ZNF689: variants seen among roughly 807,000 people sequenced by gnomAD.
ZNF689 encodes the protein short ORF-encoded histone-binding protein.
In ZNF689, 14 loss-of-function variants were observed where a neutral mutation model predicts 37.2. The observed-to-expected ratio is 0.38, with a 90% CI of 0.25 to 0.59. The LOEUF is 0.59. ZNF689 is among the 20% of genes least tolerant of loss of function. The pLI is 0.68. For missense variants in ZNF689, 573 were observed against 700.2 expected (o/e 0.82, Z 2.05); for synonymous variants, 277 against 283.3 (o/e 0.98, Z 0.22).
rs958481168 is a variant in ZNF689 at position 30,603,888 on chromosome 16, A to G, written c.*376T>C. The G allele has an allele frequency of 1.4e-5, 5 of 365,580 alleles. No homozygotes were observed. Among genetic ancestry groups the G allele is most frequent in the Non-Finnish European group, 2.7e-5 (5 of 187,930 alleles). 22.6% of individuals were successfully genotyped at this position (365,580 alleles called of 1,614,324 possible). A position where few individuals can be genotyped will look rare whatever the true frequency, so the allele number is the denominator to read the frequency against. The stretch of plus-strand genomic sequence containing the variant: ...TCCAACCTAGTATGGAGGAAGAGGC[A>G]GAGTAGGGGAAGGTCCTGCCCCTAT... On this transcript the variant is annotated 3_prime_UTR_variant, in exon 3 of 3. Coordinates refer to ENST00000287461, the MANE Select transcript of ZNF689 (RefSeq NM_138447.3).
At position 30,610,115 on chromosome 16, in the gene ZNF689, C is replaced by T; in HGVS notation, c.-74G>A. On this transcript the variant is annotated 5_prime_UTR_variant, in exon 1 of 3. Coordinates refer to ENST00000287461, the MANE Select transcript of ZNF689 (RefSeq NM_138447.3). ...CTCGGGCGCTGGCGGCCCCTGGGATCGAGGAGCCCCTGCCGGACCAGGGCT... is the reference window on the plus strand; with the variant it reads ...CTCGGGCGCTGGCGGCCCCTGGGATTGAGGAGCCCCTGCCGGACCAGGGCT... The T allele has an allele frequency of 1.3e-6, 2 of 1,489,368 alleles. No homozygotes were observed. The highest frequency in any genetic ancestry group is 2.8e-5 in the African/African-American group (2 of 71,498). The allele number at this position is 1,489,368 out of a possible 1,614,324, so 92.3% of individuals were successfully genotyped here. A position where few individuals can be genotyped will look rare whatever the true frequency, so the allele number is the denominator to read the frequency against.
chr16:30,607,034 T>C (rs547860766), intron 2 of ZNF689, among the ~76,000 whole-genome samples: 38 of 151,714 alleles, frequency 2.5e-4, no homozygotes, highest in Middle Eastern at 3.4e-3. Flanking sequence ...GCGGATCACC[T>C]GAGGTCAGGA....
rs1340113458 is a variant in ZNF689 at position 30,604,671 on chromosome 16, A to G, written c.1096T>C (p.Leu366=). The change falls in exon 3 of 3, where the codon TTG becomes CTG. Residue 366 remains leucine, a synonymous_variant. Coordinates refer to ENST00000287461, the MANE Select transcript of ZNF689 (RefSeq NM_138447.3). This position sits in a 1 kb window ranked among gnomAD's most constrained non-coding sequence, Gnocchi z 5.2. ...GGGTAGGGCTTCTCTCCGGTGTGCAAGAGCTGGTGCTGGAGCAGCGTGCTG... is the reference window on the plus strand; with the variant it reads ...GGGTAGGGCTTCTCTCCGGTGTGCAGGAGCTGGTGCTGGAGCAGCGTGCTG... ...QRSTLLQHQL[L]HTGEKPYPCP... is the part of the protein sequence containing the mutation. 5 of 1,605,066 alleles carry G rather than the reference A, an allele frequency of 3.1e-6. No individual in the cohort carries two copies. Among genetic ancestry groups the G allele is most frequent in the Non-Finnish European group, 4.2e-6 (5 of 1,177,452 alleles).
In ZNF689 at chr16:30,602,613, T is replaced by C. The variant is rs2051987702; in HGVS notation, c.*1651A>G. 1 of 152,164 alleles carries C rather than the reference T, an allele frequency of 6.6e-6. No homozygotes were observed. Among genetic ancestry groups the C allele is most frequent in the African/African-American group, 2.4e-5 (1 of 41,442 alleles). 9.4% of individuals were successfully genotyped at this position (152,164 alleles called of 1,614,324 possible). A position where few individuals can be genotyped will look rare whatever the true frequency, so the allele number is the denominator to read the frequency against. On this transcript the variant is annotated 3_prime_UTR_variant, in exon 3 of 3. Coordinates refer to ENST00000287461, the MANE Select transcript of ZNF689 (RefSeq NM_138447.3). ...ATCTGATATGACCCCTTCTTGGGGG[T>C]AGCTCATCATCCAAGGAGAAACAAA...
chr16:30,606,463 A>C (rs2052037325), intron 2 of ZNF689, among the ~76,000 whole-genome samples: 1 of 151,772 alleles, frequency 6.6e-6, no homozygotes, highest in Admixed American at 6.6e-5. Flanking sequence ...GATTGCATAC[A>C]CATGCTTTAC....
Position 30,609,904 on chromosome 16 carries a change from C to T in ZNF689, c.138G>A (p.Leu46=). Residue 46 remains leucine, a synonymous_variant, in exon 1 of 3, where the codon CTG becomes CTA. Transcript: ENST00000287461. ...GGTACAGGGCCCTCTGCGCGGGCCG[C>T]AGGCAGCCCCACTCCTCCGGGGAGA... ...VYFSPEEWGC[L]RPAQRALYRD... 1 of 1,612,318 alleles carries T rather than the reference C, an allele frequency of 6.2e-7. No individual in the cohort carries two copies. Among genetic ancestry groups the T allele is most frequent in the Non-Finnish European group, 8.5e-7 (1 of 1,179,516 alleles).
Position 30,604,579 on chromosome 16 carries a change from T to C in ZNF689, c.1188A>G (p.Thr396=). The C allele has an allele frequency of 2.4e-5, 38 of 1,590,508 alleles. No individual in the cohort carries two copies. The highest frequency in any genetic ancestry group is 3.3e-5 in the Non-Finnish European group (38 of 1,168,976). ...CGTCGCAGGCGTGCAGCTTCTCCTC[T>C]GTGTGCGTGCTGCGATGGATGGCCA... ...GSLAIHRSTH[T]EEKLHACDDC... The change falls in exon 3 of 3, where the codon ACA becomes ACG. Residue 396 remains threonine, a synonymous_variant. Coordinates refer to ENST00000287461, the MANE Select transcript of ZNF689 (RefSeq NM_138447.3). This position sits in a 1 kb window ranked among gnomAD's most constrained non-coding sequence, Gnocchi z 5.2.
chr16:30,604,739 C>T lies in ZNF689; in HGVS notation c.1028G>A (p.Arg343His), dbSNP rs1314955390. ...VSHRRVHSGE[R>H]PYACEHCEAR... Reference sequence around the variant, plus strand: ...CTCACAGTGCTCGCAGGCATAGGGACGCTCCCCAGAGTGCACACGCCGGTG... The same window carrying T: ...CTCACAGTGCTCGCAGGCATAGGGATGCTCCCCAGAGTGCACACGCCGGTG... Residue 343 changes from arginine to histidine, a missense_variant, in exon 3 of 3, where the codon CGT (arginine) becomes CAT (histidine). Around this residue, in one of 3 missense-constraint regions of ZNF689, gnomAD observed 317 missense variants for 367.1 expected, o/e 0.86. Coordinates refer to ENST00000287461, the MANE Select transcript of ZNF689 (RefSeq NM_138447.3). This position sits in a 1 kb window ranked among gnomAD's most constrained non-coding sequence, Gnocchi z 5.2. 1.2e-6 allele frequency: 2 copies of T among 1,605,972 alleles called. No individual in the cohort carries two copies. Among genetic ancestry groups the T allele is most frequent in the Non-Finnish European group, 1.7e-6 (2 of 1,177,160 alleles).
chr16:30,605,528 A>G lies in ZNF689; in HGVS notation c.320-81T>C. ...TTACATTATAGGTTACAAGACCAAT[A>G]GACTCACCCCCTGGTCTCAATTCCT... On this transcript the variant is annotated intron_variant, in intron 2 of 2. Coordinates refer to ENST00000287461, the MANE Select transcript of ZNF689 (RefSeq NM_138447.3). The surrounding 1 kb of genome is among the most constrained non-coding windows in gnomAD (Gnocchi z 5.1). The G allele has an allele frequency of 1.4e-6, 2 of 1,415,314 alleles. No individual in the cohort carries two copies. Among genetic ancestry groups the G allele is most frequent in the South Asian group, 1.3e-5 (1 of 74,756 alleles). The allele number at this position is 1,415,314 out of a possible 1,614,324, so 87.7% of individuals were successfully genotyped here. A position where few individuals can be genotyped will look rare whatever the true frequency, so the allele number is the denominator to read the frequency against.
chr16:30,605,499 T>G lies in ZNF689; in HGVS notation c.320-52A>C. ...AACAAATACTGGGCTCCTGCTCTTG[T>G]CAATTACATTATAGGTTACAAGACC... is the stretch of plus-strand genomic sequence containing the variant. On this transcript the variant is annotated intron_variant, in intron 2 of 2. Coordinates refer to ENST00000287461, the MANE Select transcript of ZNF689 (RefSeq NM_138447.3). The surrounding 1 kb of genome is among the most constrained non-coding windows in gnomAD (Gnocchi z 5.1). 6.4e-7 allele frequency: 1 copy of G among 1,560,012 alleles called. No homozygotes were observed. Among genetic ancestry groups the G allele is most frequent in the Non-Finnish European group, 8.7e-7 (1 of 1,149,216 alleles).
In ZNF689 at chr16:30,604,838, A is replaced by ATGCGCTGGTGGATGACGAGGGCCG; in HGVS notation, c.905_928dup (p.Thr302_Arg309dup). 1 of 1,600,690 alleles carries ATGCGCTGGTGGATGACGAGGGCCG rather than the reference A, an allele frequency of 6.2e-7. No homozygotes were observed. The highest frequency in any genetic ancestry group is 2.2e-5 in the East Asian group (1 of 44,508). On this transcript the variant is annotated inframe_insertion, in exon 3 of 3. Coordinates refer to ENST00000287461, the MANE Select transcript of ZNF689 (RefSeq NM_138447.3). This position sits in a 1 kb window ranked among gnomAD's most constrained non-coding sequence, Gnocchi z 5.2. ...CGGGTAGGGCTTCTCGCCCGTGTGG[A>ATGCGCTGGTGGATGACGAGGGCCG]TGCGCTGGTGGATGACGAGGGCCGT...
intron 2 of ZNF689, chr16:30,608,680 T>C (rs2052058608): frequency 6.6e-6 from 1 of 152,156 alleles, no homozygotes; most frequent in East Asian, 1.9e-4. Context: ...TGGGATGGGG[T>C]CCTGGAACCT....
chr16:30,605,531 C>T lies in ZNF689; in HGVS notation c.320-84G>A, dbSNP rs1349637572. ...CATTATAGGTTACAAGACCAATAGACTCACCCCCTGGTCTCAATTCCTAGT... is the reference window on the plus strand; with the variant it reads ...CATTATAGGTTACAAGACCAATAGATTCACCCCCTGGTCTCAATTCCTAGT... On this transcript the variant is annotated intron_variant, in intron 2 of 2. Coordinates refer to ENST00000287461, the MANE Select transcript of ZNF689 (RefSeq NM_138447.3). The surrounding 1 kb of genome is among the most constrained non-coding windows in gnomAD (Gnocchi z 5.1). 16 of 1,396,386 alleles carry T rather than the reference C, an allele frequency of 1.1e-5. No individual in the cohort carries two copies. The East Asian group carries it at 1.8e-4, about 16-fold the overall frequency. The allele number at this position is 1,396,386 out of a possible 1,614,324, so 86.5% of individuals were successfully genotyped here. A position where few individuals can be genotyped will look rare whatever the true frequency, so the allele number is the denominator to read the frequency against.
rs746176569 is a variant in ZNF689, at chr16:30,604,595, T to C, written c.1172A>G (p.His391Arg). 6.3e-7 allele frequency: 1 copy of C among 1,597,178 alleles called. No individual in the cohort carries two copies. Among genetic ancestry groups the C allele is most frequent in the Non-Finnish European group, 8.5e-7 (1 of 1,172,210 alleles). ...CTTCTCCTCTGTGTGCGTGCTGCGA[T>C]GGATGGCCAGGGAGCCGCTCCGCCG... ...AFRRSGSLAI[H>R]RSTHTEEKLH... Residue 391 changes from histidine to arginine, a missense_variant, in exon 3 of 3, where the codon CAT becomes CGT. By Grantham distance (29) the His-to-Arg change is conservative. Coordinates refer to ENST00000287461, the MANE Select transcript of ZNF689 (RefSeq NM_138447.3). This position sits in a 1 kb window ranked among gnomAD's most constrained non-coding sequence, Gnocchi z 5.2.
Position 30,604,867 on chromosome 16 carries a change from C to A in ZNF689, c.900G>T (p.Gln300His). 1 of 1,586,270 alleles carries A rather than the reference C, an allele frequency of 6.3e-7. No individual in the cohort carries two copies. Among genetic ancestry groups the A allele is most frequent in the Non-Finnish European group, 8.6e-7 (1 of 1,166,066 alleles). The change falls in exon 3 of 3, where the codon CAG becomes CAT. Residue 300 changes from glutamine (Q) to histidine (H), a missense_variant. Physicochemically the swap from Gln to His is conservative, Grantham distance 24. Coordinates refer to ENST00000287461, the MANE Select transcript of ZNF689 (RefSeq NM_138447.3). The surrounding 1 kb of genome is among the most constrained non-coding windows in gnomAD (Gnocchi z 5.2). The stretch of plus-strand genomic sequence containing the variant: ...GCTGGTGGATGACGAGGGCCGTGCG[C>A]TGGCGGAAGCGGCGGTTGCACTCGA... ...TCLECNRRFR[Q>H]RTALVIHQRI... is the part of the protein sequence containing the mutation.
rs752218525 is a variant in ZNF689, at chr16:30,603,819, C to A, written c.*445G>T. 1 of 329,318 alleles carries A rather than the reference C, an allele frequency of 3.0e-6. No individual in the cohort carries two copies. The highest frequency in any genetic ancestry group is 6.0e-6 in the Non-Finnish European group (1 of 167,118). 20.4% of individuals were successfully genotyped at this position (329,318 alleles called of 1,614,324 possible). A position where few individuals can be genotyped will look rare whatever the true frequency, so the allele number is the denominator to read the frequency against. ...AGATTTTCAAGCAATGGGTAGAAGACCACTTGGCAGGAGTGTTGCAAAAAG... is the reference window on the plus strand; with the variant it reads ...AGATTTTCAAGCAATGGGTAGAAGAACACTTGGCAGGAGTGTTGCAAAAAG... On this transcript the variant is annotated 3_prime_UTR_variant, in exon 3 of 3. Coordinates refer to ENST00000287461, the MANE Select transcript of ZNF689 (RefSeq NM_138447.3).
chr16:30,604,658 T>C lies in ZNF689; in HGVS notation c.1109A>G (p.Glu370Gly), dbSNP rs931749221. The C allele has an allele frequency of 1.1e-5, 18 of 1,611,640 alleles. No individual in the cohort carries two copies. Among genetic ancestry groups the C allele is most frequent in the Non-Finnish European group, 1.4e-5 (17 of 1,179,598 alleles). The part of the protein sequence containing the change: ...LLQHQLLHTG[E>G]KPYPCPDCGR... ...ACAGTCTGGGCAGGGGTAGGGCTTC[T>C]CTCCGGTGTGCAAGAGCTGGTGCTG... is the stretch of plus-strand genomic sequence containing the variant. The change falls in exon 3 of 3, where the codon GAG (glutamate) becomes GGG (glycine). Residue 370 changes from glutamate (E) to glycine (G), a missense_variant. Physicochemically the swap from Glu to Gly is moderately conservative, Grantham distance 98. This residue lies in a region of ZNF689 where 317 missense variants were observed against 367.1 expected (regional missense o/e 0.86). Transcript: ENST00000287461. The surrounding 1 kb of genome is among the most constrained non-coding windows in gnomAD (Gnocchi z 5.2).
chr16:30,603,898 A>G lies in ZNF689; in HGVS notation c.*366T>C, dbSNP rs2052005974. ...TATGGAGGAAGAGGCAGAGTAGGGGAAGGTCCTGCCCCTATGAGATTCTCC... is the reference window on the plus strand; with the variant it reads ...TATGGAGGAAGAGGCAGAGTAGGGGGAGGTCCTGCCCCTATGAGATTCTCC... On this transcript the variant is annotated 3_prime_UTR_variant, in exon 3 of 3. Coordinates refer to ENST00000287461, the MANE Select transcript of ZNF689 (RefSeq NM_138447.3). The G allele has an allele frequency of 8.1e-6, 3 of 372,190 alleles. No homozygotes were observed. The Admixed American group carries it at 1.1e-4, about 14-fold the overall frequency. 23.1% of individuals were successfully genotyped at this position (372,190 alleles called of 1,614,324 possible). A position where few individuals can be genotyped will look rare whatever the true frequency, so the allele number is the denominator to read the frequency against.
chr16:30,609,118 G>A (rs927459266), intron 2 of ZNF689, among the ~76,000 whole-genome samples: 3 of 152,152 alleles, frequency 2.0e-5, no homozygotes, highest in African/African-American at 7.2e-5. Context: ...TCCTGGAAAG[G>A]AGGCAGAGGG....
Sources: gnomAD v4.1 joint callset for allele counts (sites outside exome capture counted in the v4.1 genomes callset) on GRCh38, gnomAD v4.1.1 for gene constraint, gnomAD v4.1.1 regional missense constraint, Gnocchi (gnomAD v3.1) non-coding constraint, MANE v1.5 for transcripts, NCBI Gene and HGNC (gene_info 2026-07-23, HGNC 2026-07-21) for gene names.